VSTM2L: variants seen among roughly 807,000 people sequenced by gnomAD.
VSTM2L encodes the protein V-set and transmembrane domain containing 2 like, also known as V-set and transmembrane domain-containing protein 2-like protein.
Under a neutral mutation model 19.9 loss-of-function variants are expected in VSTM2L, and 9 were observed. The ratio of observed to expected loss-of-function variants is 0.45; its 90% confidence interval spans 0.27 to 0.79. VSTM2L has a LOEUF of 0.79. VSTM2L is among the 30% of genes least tolerant of loss of function. The probability of loss-of-function intolerance (pLI) is 0.15; values close to 1 mark genes in which losing one functional copy is unlikely to be tolerated. For synonymous variants in VSTM2L, 127 were observed against 133.8 expected (o/e 0.95, Z 0.35); for missense variants, 286 against 295.5 (o/e 0.97, Z 0.24).
intron 1 of VSTM2L, among the ~76,000 whole-genome samples, chr20:37,923,466 T>C (rs2072863330): frequency 6.6e-6 from 1 of 152,238 alleles, no homozygotes; most frequent in Non-Finnish European, 1.5e-5. Context: ...TCAAGTCCCA[T>C]TCTCCTTCTC....
rs1024698415 is a variant in VSTM2L at position 37,935,713 on chromosome 20, C to A, written c.342+2124C>A. On this transcript the variant is annotated intron_variant, in intron 3 of 3. Coordinates refer to ENST00000373461, the MANE Select transcript of VSTM2L (RefSeq NM_080607.3). ...GTGAGTTTTTGCTTCATGACTGTCT[C>A]CCCTAGAGATGAGGGGTGCTGGGAC... Among the ~76,000 whole-genome samples the A allele has an allele frequency of 2.6e-5, 4 of 152,078 alleles. No individual in the cohort carries two copies. The East Asian group carries it at 7.7e-4, about 29-fold the overall frequency.
intron 1 of VSTM2L, among the ~76,000 whole-genome samples, chr20:37,905,116 G>A (rs1198131085): frequency 6.6e-6 from 1 of 151,974 alleles, no homozygotes; most frequent in Non-Finnish European, 1.5e-5. Flanking sequence ...TTTTTTCCAG[G>A]ACATTCATCT....
At position 37,945,344 on chromosome 20, in the gene VSTM2L, A is replaced by G. The variant is rs1048180423; in HGVS notation, c.*1091A>G. Reference sequence around the variant, plus strand: ...CAGCCAACCTGAATAAAGCGGTTTTAAAAAAACCTCTGGGCAGTGTCTTTC... The same window carrying G: ...CAGCCAACCTGAATAAAGCGGTTTTGAAAAAACCTCTGGGCAGTGTCTTTC... On this transcript the variant is annotated 3_prime_UTR_variant, in exon 4 of 4. Coordinates refer to ENST00000373461, the MANE Select transcript of VSTM2L (RefSeq NM_080607.3). The G allele has an allele frequency of 1.1e-6, 1 of 917,502 alleles. No individual in the cohort carries two copies. Among genetic ancestry groups the G allele is most frequent in the Non-Finnish European group, 1.3e-6 (1 of 767,966 alleles). 56.8% of individuals were successfully genotyped at this position (917,502 alleles called of 1,614,324 possible).
intron 1 of VSTM2L, among the ~76,000 whole-genome samples, chr20:37,910,637 G>A (rs990361789): frequency 1.3e-5 from 2 of 152,150 alleles, no homozygotes; most frequent in African/African-American, 4.8e-5. Context: ...TATAGAGCTG[G>A]GTGCGGTGGC....
chr20:37,914,993 C>G (rs1470581184), intron 1 of VSTM2L, among the ~76,000 whole-genome samples: 4 of 152,242 alleles, frequency 2.6e-5, no homozygotes, highest in Non-Finnish European at 5.9e-5. Flanking sequence ...AAAATCATTT[C>G]CGGCGTTGAA....
chr20:37,930,534 C>T (rs1254648818), intron 1 of VSTM2L, among the ~76,000 whole-genome samples: 3 of 152,208 alleles, frequency 2.0e-5, no homozygotes, highest in African/African-American at 7.2e-5. Context: ...ATAATCTCTC[C>T]TGAGAAGAGG....
intron 1 of VSTM2L, among the ~76,000 whole-genome samples, chr20:37,929,132 G>A (rs1294551068): frequency 6.6e-6 from 1 of 152,142 alleles, no homozygotes; most frequent in African/African-American, 2.4e-5. Flanking sequence ...CCTCCCTAAG[G>A]AAGCGGACTT....
intron 1 of VSTM2L, among the ~76,000 whole-genome samples, chr20:37,922,589 C>T (rs1278453222): frequency 6.6e-6 from 1 of 152,182 alleles, no homozygotes; most frequent in African/African-American, 2.4e-5. Context: ...AAGGGGAGTC[C>T]TGCTTTCACT....
Position 37,933,485 on chromosome 20 carries a change from A to AC in VSTM2L, c.292-51dup, listed in dbSNP as rs1183574031. ...CTCCCCACACTGCCACCCCACCCCC[A>AC]CCCTGTGCTAACACCTTGTCTCTGC... is the stretch of plus-strand genomic sequence containing the variant. On this transcript the variant is annotated intron_variant, in intron 2 of 3. Transcript: ENST00000373461. 3.6e-6 allele frequency: 3 copies of AC among 828,114 alleles called. No individual in the cohort carries two copies. In the Admixed American group the frequency reaches 8.3e-5, roughly 23 times the overall value. 51.3% of individuals were successfully genotyped at this position (828,114 alleles called of 1,614,324 possible). A position where few individuals can be genotyped will look rare whatever the true frequency, so the allele number is the denominator to read the frequency against.
rs898643225 is a variant in VSTM2L, at chr20:37,903,177, T to C, written c.-174T>C. ...TGCGCTCGCTCCCCGAAGCCGGGGC[T>C]GGGCCGGAGCCGGGCGAGGGCTGGG... On this transcript the variant is annotated 5_prime_UTR_variant, in exon 1 of 4. Transcript: ENST00000373461. The C allele has an allele frequency of 2.9e-5, 25 of 874,660 alleles. No individual in the cohort carries two copies. Among genetic ancestry groups the C allele is most frequent in the Non-Finnish European group, 3.1e-5 (21 of 675,460 alleles). 54.2% of individuals were successfully genotyped at this position (874,660 alleles called of 1,614,324 possible). A position where few individuals can be genotyped will look rare whatever the true frequency, so the allele number is the denominator to read the frequency against.
intron 3 of VSTM2L, among the ~76,000 whole-genome samples, chr20:37,940,032 C>A (rs185261958): frequency 3.3e-5 from 5 of 152,180 alleles, no homozygotes; most frequent in Admixed American, 1.3e-4. Context: ...GTGGGTGGGC[C>A]GAGGGCTGGG....
At chr20:37,915,972 C>T (rs2072816233) in intron 1 of VSTM2L, among the ~76,000 whole-genome samples, 1 of 152,240 alleles carries the variant, frequency 6.6e-6, no homozygotes, top group South Asian at 2.1e-4. Context: ...TTACAGCCCT[C>T]ACTGTTCTTT....
At position 37,917,797 on chromosome 20, in the gene VSTM2L, G is replaced by A. The variant is rs111286173; in HGVS notation, c.122-13838G>A. ...TGGGGTTGCGGAGAAGGAGGCTTTG[G>A]ACTGGATGGGACAAGAGGCCGTTGA... is the stretch of plus-strand genomic sequence containing the variant. On this transcript the variant is annotated intron_variant, in intron 1 of 3. Transcript: ENST00000373461. Among the ~76,000 whole-genome samples, 1,336 of 152,356 alleles carry A rather than the reference G, an allele frequency of 8.8e-3. 15 individuals are homozygous for A. The highest frequency in any genetic ancestry group is 0.03 in the African/African-American group (1,262 of 41,582).
chr20:37,944,073 C>G lies in VSTM2L; in HGVS notation c.435C>G (p.Ile145Met), dbSNP rs766041079. 7 of 1,612,740 alleles carry G rather than the reference C, an allele frequency of 4.3e-6. No homozygotes were observed. In the East Asian group the frequency reaches 8.9e-5, roughly 21 times the overall value. ...TDEGTYECRVIDFSDGKARHH... is the reference protein window; with the variant it reads ...TDEGTYECRVMDFSDGKARHH... ...AAGGCACCTACGAGTGCCGCGTCAT[C>G]GACTTCAGCGACGGCAAGGCCCGGC... Residue 145 changes from isoleucine (I) to methionine (M), a missense_variant, in exon 4 of 4, where the codon ATC becomes ATG. Physicochemically the swap from Ile to Met is conservative, Grantham distance 10 (BLOSUM62 1). Transcript: ENST00000373461.
chr20:37,931,020 T>G (rs2072905752), intron 1 of VSTM2L, among the ~76,000 whole-genome samples: 1 of 151,440 alleles, frequency 6.6e-6, no homozygotes, highest in Admixed American at 6.6e-5. Context: ...CAAAGAGGGG[T>G]GGAGGGAAGG....
intron 3 of VSTM2L, among the ~76,000 whole-genome samples, chr20:37,940,263 AGGGTGGGCTCCAGCAGGGCCT>A (rs2072964521): frequency 6.6e-6 from 1 of 152,234 alleles, no homozygotes; most frequent in Admixed American, 6.5e-5. Flanking sequence ...TCAGAGGGAC[AGGGTGGGCTCCAGCAGGGCCT>A]GGCACTAGGG....
chr20:37,934,546 T>C (rs528293054), intron 3 of VSTM2L, among the ~76,000 whole-genome samples: 1 of 152,328 alleles, frequency 6.6e-6, no homozygotes, highest in South Asian at 2.1e-4. Flanking sequence ...TGTTTGTGTG[T>C]CCTCGCATGC....
rs1431164832 is a variant in VSTM2L, at chr20:37,931,798, G to A, written c.285G>A (p.Ser95=). Residue 95 remains serine (S), a synonymous_variant, in exon 2 of 4, where the codon TCG becomes TCA. Transcript: ENST00000373461. ...GGACCGACAAGCAGGCGTGGGCCTC[G>A]AACCAGGTAATGCCCCTGGGGAGAT... ...RDWTDKQAWA[S]NQLKASQQED... The A allele has an allele frequency of 5.0e-6, 8 of 1,613,514 alleles. No homozygotes were observed. The highest frequency in any genetic ancestry group is 2.7e-5 in the African/African-American group (2 of 75,058).
chr20:37,927,839 C>T (rs1292456836), intron 1 of VSTM2L, among the ~76,000 whole-genome samples: 1 of 152,196 alleles, frequency 6.6e-6, no homozygotes, highest in Non-Finnish European at 1.5e-5. Flanking sequence ...GACGCACACA[C>T]ATTGTCTCCC....
Sources: allele counts gnomAD v4.1 joint callset (sites outside exome capture counted in the v4.1 genomes callset), GRCh38; gene constraint gnomAD v4.1.1; transcripts MANE v1.5; gene names NCBI Gene and HGNC (gene_info 2026-07-23, HGNC 2026-07-21).